Variants in DLGAP2 observed in about 807,000 individuals in gnomAD.
The protein encoded by DLGAP2 is disks large-associated protein 2.
A neutral mutation model predicts 100.3 loss-of-function variants in DLGAP2; 26 were observed. That is an observed-to-expected ratio of 0.26 (90% CI 0.19 to 0.36). DLGAP2 has a LOEUF of 0.36. DLGAP2 is among the 10% of genes least tolerant of loss of function. The pLI, the probability that DLGAP2 is intolerant of heterozygous loss-of-function variation, is 1.00. For synonymous variants in DLGAP2, 886 were observed against 630.1 expected, an observed-to-expected ratio of 1.41 and a Z score of -6.08; for missense variants, 1,858 against 1,453.2, an observed-to-expected ratio of 1.28 and a Z score of -4.53.
intron 1 of DLGAP2, among the ~76,000 whole-genome samples, chr8:886,330 G>A (rs559960384): frequency 6.6e-6 from 1 of 152,014 alleles, no homozygotes; most frequent in African/African-American, 2.4e-5. Context: ...ACAGCTCCTG[G>A]ATTTGTTGAT....
At chr8:1,345,796 C>A (rs1029906690) in intron 3 of DLGAP2, among the ~76,000 whole-genome samples, 1 of 152,206 alleles carries the variant, frequency 6.6e-6, no homozygotes, top group Non-Finnish European at 1.5e-5. Flanking sequence ...TGTAATGATG[C>A]TTGTAACACC....
At position 1,135,514 on chromosome 8, in the gene DLGAP2, T is replaced by TTG. The variant is rs1554490373; in HGVS notation, c.74-123336_74-123335insGT. 1.2e-3 allele frequency among the ~76,000 whole-genome samples: 167 copies of TTG among 136,336 alleles called. 10 individuals carry two copies. In the South Asian group the frequency reaches 0.035, roughly 28 times the overall value. 89.4% of individuals were successfully genotyped at this position (136,336 alleles called of 152,430 possible). On this transcript the variant is annotated intron_variant, in intron 2 of 14. Coordinates refer to ENST00000637795, the MANE Select transcript of DLGAP2 (RefSeq NM_001346810.2). ...GGGTTTTTTTGTGGGTTTTTTTTTTTTTTTTTTTTTTTTGTCCATATCTTA... is the reference window on the plus strand; with the variant it reads ...GGGTTTTTTTGTGGGTTTTTTTTTTTTGTTTTTTTTTTTTTGTCCATATCTTA...
intron 5 of DLGAP2, among the ~76,000 whole-genome samples, chr8:1,555,465 G>A (rs1440214330): frequency 2.0e-5 from 3 of 152,128 alleles, no homozygotes; most frequent in African/African-American, 4.8e-5. Context: ...CTGCCTCTGG[G>A]CCACCGCTTC....
intron 3 of DLGAP2, chr8:1,301,742 G>C (rs1800347066): frequency 6.6e-6 from 1 of 152,188 alleles, no homozygotes; most frequent in Middle Eastern, 3.2e-3. Flanking sequence ...ATGTTTGAAG[G>C]AGGCTCTGGG....
intron 6 of DLGAP2, among the ~76,000 whole-genome samples, chr8:1,609,617 A>G (rs1796930169): frequency 8.1e-6 from 1 of 123,546 alleles, no homozygotes; most frequent in Non-Finnish European, 1.8e-5. Context: ...GTCAAGACCC[A>G]TCAGTGTGCT....
chr8:860,088 G>C (rs1214219894), intron 1 of DLGAP2, among the ~76,000 whole-genome samples: 1 of 152,164 alleles, frequency 6.6e-6, no homozygotes, highest in Non-Finnish European at 1.5e-5. Flanking sequence ...CCAAATTAAA[G>C]AAATAAGAAG....
At chr8:1,689,380 G>A (rs1488481578) in intron 12 of DLGAP2, among the ~76,000 whole-genome samples, 3 of 152,160 alleles carry the variant, frequency 2.0e-5, no homozygotes, top group Non-Finnish European at 2.9e-5. Context: ...CCAGCACATC[G>A]GTATTCCCTT....
intron 1 of DLGAP2, among the ~76,000 whole-genome samples, chr8:894,086 G>A (rs1180917886): frequency 3.3e-5 from 5 of 152,214 alleles, no homozygotes; most frequent in Non-Finnish European, 7.3e-5. Context: ...CGTCCTTGTG[G>A]GAAGGGCCCT....
chr8:1,416,691 G>A (rs1357910843), intron 3 of DLGAP2, among the ~76,000 whole-genome samples: 1 of 152,070 alleles, frequency 6.6e-6, no homozygotes, highest in South Asian at 2.1e-4. Flanking sequence ...TGTCTATCAG[G>A]TCACTTAATA....
At chr8:1,218,166 A>G (rs1455379657) in intron 2 of DLGAP2, among the ~76,000 whole-genome samples, 1 of 152,136 alleles carries the variant, frequency 6.6e-6, no homozygotes, top group African/African-American at 2.4e-5. Context: ...GTTTGCCAAC[A>G]CTATGTTCAG....
At chr8:867,866 C>T (rs766558915) in intron 1 of DLGAP2, among the ~76,000 whole-genome samples, 7 of 152,202 alleles carry the variant, frequency 4.6e-5, no homozygotes, top group African/African-American at 7.2e-5. Flanking sequence ...TAGTTTTCCA[C>T]GTAACGCATT....
At chr8:1,314,932 C>G (rs960413650) in intron 3 of DLGAP2, among the ~76,000 whole-genome samples, 7 of 152,218 alleles carry the variant, frequency 4.6e-5, no homozygotes, top group African/African-American at 1.4e-4. Flanking sequence ...ATGTGCCCTA[C>G]CGGGGAAGGC....
intron 2 of DLGAP2, among the ~76,000 whole-genome samples, chr8:989,226 C>T (rs905859460): frequency 6.6e-6 from 1 of 152,086 alleles, no homozygotes. Flanking sequence ...CAGCAGTGCT[C>T]CCCCGGAGTC....
In DLGAP2 at chr8:1,355,702, T is replaced by C. The variant is rs886206897; in HGVS notation, c.106+96819T>C. Among the ~76,000 whole-genome samples, 3 of 152,094 alleles carry C rather than the reference T, an allele frequency of 2.0e-5. No individual in the cohort carries two copies. In the East Asian group the frequency reaches 5.8e-4, roughly 29 times the overall value. On this transcript the variant is annotated intron_variant, in intron 3 of 14. Transcript: ENST00000637795. ...TTTAATGAAAAAATAAAACAAATGC[T>C]TGATTGACTGGTAGCCACAGAGCTC... is the stretch of plus-strand genomic sequence containing the variant.
chr8:886,056 T>A (rs1797915646), intron 1 of DLGAP2, among the ~76,000 whole-genome samples: 1 of 152,236 alleles, frequency 6.6e-6, no homozygotes, highest in African/African-American at 2.4e-5. Flanking sequence ...GATAGGCTAT[T>A]AATTACTGCC....
At chr8:882,083 C>T (rs1368583375) in intron 1 of DLGAP2, among the ~76,000 whole-genome samples, 1 of 152,192 alleles carries the variant, frequency 6.6e-6, no homozygotes, top group African/African-American at 2.4e-5. Flanking sequence ...TCACCCAGTC[C>T]AGAGGCTTCC....
chr8:1,060,676 G>A (rs1803053921), intron 2 of DLGAP2, among the ~76,000 whole-genome samples: 2 of 152,194 alleles, frequency 1.3e-5, no homozygotes, highest in Admixed American at 1.3e-4. Context: ...CATTTTGGGG[G>A]ATGATGTTCA....
chr8:1,118,433 A>G (rs923126418), intron 2 of DLGAP2, among the ~76,000 whole-genome samples: 5 of 152,234 alleles, frequency 3.3e-5, no homozygotes. Flanking sequence ...TTTAGCTGCC[A>G]AGAAAAGCCT....
chr8:1,285,629 A>T (rs1799906910), intron 3 of DLGAP2, among the ~76,000 whole-genome samples: 1 of 152,180 alleles, frequency 6.6e-6, no homozygotes. Context: ...CAGAGGGGAA[A>T]AAAAGCTTGT....
Sources: gnomAD v4.1 joint callset for allele counts (sites outside exome capture counted in the v4.1 genomes callset) on GRCh38, gnomAD v4.1.1 for gene constraint, MANE v1.5 for transcripts, NCBI Gene and HGNC (gene_info 2026-07-23, HGNC 2026-07-21) for gene names.